Variants in XG observed in about 807,000 individuals in gnomAD.
The protein encoded by XG is Xg glycoprotein (Xg blood group), also known as glycoprotein Xg.
Under a neutral mutation model 25.7 loss-of-function variants are expected in XG, and 24 were observed. The ratio of observed to expected loss-of-function variants is 0.93; its 90% CI spans 0.68 to 1.31. The LOEUF is 1.31. Among genes scored for constraint, XG ranks in the 40% most tolerant of loss-of-function variants. XG has a pLI of 0.00. For synonymous variants in XG, 77 were observed against 69.2 expected (o/e 1.11, Z -0.56); for missense variants, 181 against 187.6 (o/e 0.96, Z 0.21).
intron 1 of XG, among the ~76,000 whole-genome samples, chrX:2,769,673 AC>A (rs2050771300): frequency 6.6e-6 from 1 of 152,200 alleles, no homozygotes; most frequent in Admixed American, 6.5e-5. Context: ...CTTCACCCTC[AC>A]AAATTCTGCA....
intron 8 of XG, among the ~76,000 whole-genome samples, chrX:2,807,250 T>G (rs1253838438): frequency 3.5e-5 from 4 of 113,047 alleles, no homozygotes; most frequent in Admixed American, 9.3e-5. Context: ...GTGCATTGCA[T>G]GTTTCCCATG....
intron 1 of XG, among the ~76,000 whole-genome samples, chrX:2,759,291 C>G (rs188317683): frequency 6.6e-6 from 1 of 152,212 alleles, no homozygotes; most frequent in Non-Finnish European, 1.5e-5. Flanking sequence ...GTCATTAGTG[C>G]TGTAGTGGAG....
At chrX:2,796,122 C>T (rs768547384) in intron 6 of XG, among the ~76,000 whole-genome samples, 2 of 105,084 alleles carry the variant, frequency 1.9e-5, no homozygotes, top group Admixed American at 2.1e-4. Flanking sequence ...TACATATATA[C>T]CTATATATGC....
intron 4 of XG, among the ~76,000 whole-genome samples, chrX:2,785,459 A>AT (rs11413215): frequency 0.53 from 54,354 of 101,775 alleles, 11,747 homozygotes; most frequent in Middle Eastern, 0.69. Context: ...AACTTAAAAA[A>AT]ATTTTTTTGT....
chrX:2,756,053 A>T (rs1347418468), intron 1 of XG, among the ~76,000 whole-genome samples: 2 of 152,206 alleles, frequency 1.3e-5, no homozygotes, highest in Middle Eastern at 3.2e-3. Context: ...AAAATAAAGA[A>T]GACAGAATAT....
intron 3 of XG, among the ~76,000 whole-genome samples, chrX:2,779,805 C>T (rs1348408528): frequency 6.6e-6 from 1 of 152,000 alleles, no homozygotes; most frequent in Non-Finnish European, 1.5e-5. Flanking sequence ...CGCCACCACC[C>T]CCAGCTAATT....
At chrX:2,793,681 C>T (rs4892892) in intron 5 of XG, among the ~76,000 whole-genome samples, 56,778 of 109,961 alleles carry the variant, frequency 0.52, 12,422 homozygotes, top group Admixed American at 0.72. Flanking sequence ...GGGTGGGTAG[C>T]GGCTGTGCTC....
intron 1 of XG, among the ~76,000 whole-genome samples, chrX:2,759,529 C>T (rs1009217197): frequency 6.6e-6 from 1 of 152,140 alleles, no homozygotes; most frequent in African/African-American, 2.4e-5. Flanking sequence ...AGAGCCATGG[C>T]ACATATAACC....
chrX:2,812,749 C>G (rs909646802), intron 10 of XG, among the ~76,000 whole-genome samples: 3 of 111,456 alleles, frequency 2.7e-5, no homozygotes, highest in African/African-American at 9.8e-5. Flanking sequence ...AGAGCAGATT[C>G]TTGGGTTCAG....
At chrX:2,772,319 T>C (rs776885667) in intron 2 of XG, among the ~76,000 whole-genome samples, 101 of 152,276 alleles carry the variant, frequency 6.6e-4, no homozygotes, top group Non-Finnish European at 1.1e-3. Flanking sequence ...ACAACCCAAC[T>C]GTCCATCAGG....
intron 1 of XG, among the ~76,000 whole-genome samples, chrX:2,766,849 G>A (rs1038125690): frequency 2.6e-5 from 4 of 152,282 alleles, no homozygotes; most frequent in Admixed American, 2.6e-4. Context: ...ACAGGTGTGA[G>A]CCACCGCGCC....
At chrX:2,793,550 C>A (rs1289564402) in intron 5 of XG, among the ~76,000 whole-genome samples, 2 of 112,242 alleles carry the variant, frequency 1.8e-5, no homozygotes, top group African/African-American at 3.2e-5. Context: ...AGCGTGGATT[C>A]TCAGGGCTCT....
chrX:2,782,780 A>G (rs959501319), intron 4 of XG, among the ~76,000 whole-genome samples: 6 of 110,590 alleles, frequency 5.4e-5, no homozygotes, highest in African/African-American at 2.0e-4. Context: ...GGAGGTTCAG[A>G]CTCTTGCAGC....
intron 7 of XG, among the ~76,000 whole-genome samples, chrX:2,801,527 T>A (rs1569044473): frequency 1.8e-5 from 2 of 110,290 alleles, no homozygotes; most frequent in East Asian, 5.7e-4. Flanking sequence ...AATTTTGTTA[T>A]GTAAATGGGC....
chrX:2,759,017 T>C (rs1224762039), intron 1 of XG, among the ~76,000 whole-genome samples: 1 of 84,678 alleles, frequency 1.2e-5, no homozygotes, highest in Admixed American at 1.4e-4. Context: ...TCTATGTATC[T>C]ATGTATCTAT....
chrX:2,763,336 C>T (rs1240242702), intron 1 of XG, among the ~76,000 whole-genome samples: 1 of 152,098 alleles, frequency 6.6e-6, no homozygotes, highest in Non-Finnish European at 1.5e-5. Flanking sequence ...TACTATATGG[C>T]CCTGAGTTGA....
chrX:2,766,251 C>T (rs959051284), intron 1 of XG, among the ~76,000 whole-genome samples: 4 of 152,198 alleles, frequency 2.6e-5, no homozygotes, highest in African/African-American at 9.7e-5. Flanking sequence ...AGCAATTCTC[C>T]TGCCTCAGCC....
At chrX:2,790,217 G>A (rs776898080) in intron 5 of XG, among the ~76,000 whole-genome samples, 3 of 111,472 alleles carry the variant, frequency 2.7e-5, no homozygotes, top group Non-Finnish European at 3.8e-5. Context: ...AGAAGTGTTT[G>A]GGGCCAGGCA....
chrX:2,766,548 T>G (rs2050694912), intron 1 of XG, among the ~76,000 whole-genome samples: 1 of 145,792 alleles, frequency 6.9e-6, no homozygotes, highest in Non-Finnish European at 1.5e-5. Flanking sequence ...GGGAATTTCC[T>G]TATGGCCACT....
Sources: gnomAD v4.1 joint callset for allele counts (sites outside exome capture counted in the v4.1 genomes callset) on GRCh38, gnomAD v4.1.1 for gene constraint, MANE v1.5 for transcripts, NCBI Gene and HGNC (gene_info 2026-07-23, HGNC 2026-07-21) for gene names.